B4GALT2: variants seen among roughly 807,000 people sequenced by gnomAD.
B4GALT2 encodes the protein N-acetyllactosamine synthase.
B4GALT2 carries 18 observed loss-of-function variants against 33.2 expected under a neutral mutation model. That is an observed-to-expected ratio of 0.54 (90% CI 0.38 to 0.80). The LOEUF is 0.80. B4GALT2 is among the 30% of genes least tolerant of loss of function. The probability of loss-of-function intolerance (pLI) is 0.00; values close to 1 mark genes in which losing one functional copy is unlikely to be tolerated. For synonymous variants in B4GALT2, 214 were observed against 217.6 expected (o/e 0.98, Z 0.15); for missense variants, 404 against 526.2 (o/e 0.77, Z 2.27).
At position 43,981,065 on chromosome 1, in the gene B4GALT2, C is replaced by T. The variant is rs562721930; in HGVS notation, c.-52-44C>T. The T allele has an allele frequency of 2.8e-5, 42 of 1,499,298 alleles. 1 individual carries two copies. The East Asian group carries it at 9.4e-4, about 33-fold the overall frequency. The allele number at this position is 1,499,298 out of a possible 1,614,324, so 92.9% of individuals were successfully genotyped here. ...GAGGTAGGTGGGCAGCCTTGCCTGT[C>T]CTGCCCTGACCTGCTGGATCTGTTT... On this transcript the variant is annotated intron_variant, in intron 1 of 6. Transcript: ENST00000372324. The surrounding 1 kb of genome is among the most constrained non-coding windows in gnomAD (Gnocchi z 8.1).
intron 3 of B4GALT2, among the ~76,000 whole-genome samples, chr1:43,983,428 G>C (rs1005298916): frequency 3.3e-5 from 5 of 152,198 alleles, no homozygotes; most frequent in African/African-American, 1.2e-4. Flanking sequence ...GTGTCAGGAA[G>C]GAGACATGGC....
chr1:43,982,483 C>A lies in B4GALT2; in HGVS notation c.549+559C>A, dbSNP rs187338445. 7.1e-3 allele frequency among the ~76,000 whole-genome samples: 1,080 copies of A among 152,060 alleles called. 6 individuals carry two copies. The highest frequency in any genetic ancestry group is 9.3e-3 in the Non-Finnish European group (632 of 68,004). ...GAGGTGGAGCAGGGGGCCGTGGGAG[C>A]ACAGAGGGCCCCAGTCCAGCCCTGG... On this transcript the variant is annotated intron_variant, in intron 3 of 6. Transcript: ENST00000372324. The surrounding 1 kb of genome is among the most constrained non-coding windows in gnomAD (Gnocchi z 4.3).
Position 43,985,268 on chromosome 1 carries a change from C to T in B4GALT2, c.741-10C>T, listed in dbSNP as rs746118904. 1.9e-6 allele frequency: 3 copies of T among 1,607,952 alleles called. No individual in the cohort carries two copies. Among genetic ancestry groups the T allele is most frequent in the East Asian group, 4.5e-5 (2 of 44,804 alleles). ...GGACCCTTACTGACACCTGCCTTCCCATGCCACAGGCTTCCCTATGCTGGC... is the reference window on the plus strand; with the variant it reads ...GGACCCTTACTGACACCTGCCTTCCTATGCCACAGGCTTCCCTATGCTGGC... On this transcript the variant is annotated splice_polypyrimidine_tract_variant and intron_variant, in intron 4 of 6. Transcript: ENST00000372324.
chr1:43,980,468 G>T, intron 1 of B4GALT2: 11 of 808,118 alleles, frequency 1.4e-5, no homozygotes, highest in Non-Finnish European at 1.7e-5. Context: ...GTCTGTATTT[G>T]GGCCCCCCGG....
In B4GALT2 at chr1:43,985,005, C is replaced by T. The variant is rs546242976; in HGVS notation, c.690C>T (p.Cys230=). The T allele has an allele frequency of 1.7e-4, 271 of 1,612,664 alleles. No individual in the cohort carries two copies. The highest frequency in any genetic ancestry group is 8.0e-4 in the Admixed American group (48 of 59,982). The part of the protein sequence containing the change: ...VPMDDRNLYR[C]GDQPRHFAIA... ...TGGATGACCGCAACCTATACCGCTG[C>T]GGCGACCAACCCCGCCACTTTGCCA... Residue 230 remains cysteine, a synonymous_variant, in exon 4 of 7, where the codon TGC becomes TGT. Coordinates refer to ENST00000372324, the MANE Select transcript of B4GALT2 (RefSeq NM_003780.5).
Position 43,979,825 on chromosome 1 carries a change from C to T in B4GALT2, c.-53+314C>T, listed in dbSNP as rs942509091. 3.3e-6 allele frequency: 2 copies of T among 602,950 alleles called. No individual in the cohort carries two copies. Among genetic ancestry groups the T allele is most frequent in the East Asian group, 6.3e-5 (2 of 31,678 alleles). The allele number at this position is 602,950 out of a possible 1,614,324, so 37.3% of individuals were successfully genotyped here. ...TGCCCTCCACCCACTCCCCCTGCCC[C>T]CAGGCTCCACACCCACCCGGTCTGT... On this transcript the variant is annotated intron_variant, in intron 1 of 6. Coordinates refer to ENST00000372324, the MANE Select transcript of B4GALT2 (RefSeq NM_003780.5). This position sits in a 1 kb window ranked among gnomAD's most constrained non-coding sequence, Gnocchi z 4.8.
At position 43,979,857 on chromosome 1, in the gene B4GALT2, T is replaced by G; in HGVS notation, c.-53+346T>G. On this transcript the variant is annotated intron_variant, in intron 1 of 6. Transcript: ENST00000372324. The surrounding 1 kb of genome is among the most constrained non-coding windows in gnomAD (Gnocchi z 4.8). ...CCACACCCACCCGGTCTGTGCGGCC[T>G]GCCCGTCCGCGGGTGCCACGTGTTC... The G allele has an allele frequency of 1.3e-6, 1 of 757,414 alleles. No individual in the cohort carries two copies. The highest frequency in any genetic ancestry group is 2.1e-6 in the Non-Finnish European group (1 of 474,042). The allele number at this position is 757,414 out of a possible 1,614,324, so 46.9% of individuals were successfully genotyped here.
chr1:43,985,104 C>T lies in B4GALT2; in HGVS notation c.740+49C>T, dbSNP rs200899002. ...ACCCAGCCCTCCTGCCCCCACCAGA[C>T]GCAGGCCCACTTCCAGCCCCCGAGC... On this transcript the variant is annotated intron_variant, in intron 4 of 6. Coordinates refer to ENST00000372324, the MANE Select transcript of B4GALT2 (RefSeq NM_003780.5). 1,642 of 1,598,332 alleles carry T rather than the reference C, an allele frequency of 1.0e-3. 26 individuals are homozygous for T. Among genetic ancestry groups the T allele is most frequent in the South Asian group, 9.2e-3 (831 of 90,238 alleles).
chr1:43,985,769 T>G, intron 6 of B4GALT2, 148 bp downstream of exon 6: 1 of 706,518 alleles, frequency 1.4e-6, no homozygotes, highest in Non-Finnish European at 2.4e-6. Flanking sequence ...GTGCCACTGA[T>G]TCCCTGATGT....
chr1:43,985,435 GGGGGGGGA>G (rs780496356), intron 5 of B4GALT2, 35 bp downstream of exon 5: 6 of 825,380 alleles, frequency 7.3e-6, no homozygotes, highest in Non-Finnish European at 1.1e-5. Context: ...AGGCTGGGTG[GGGGGGGGA>G]GGGGGGGTGC....
intron 6 of B4GALT2, among the ~76,000 whole-genome samples, chr1:43,989,935 C>T (rs1041157717): frequency 2.0e-5 from 3 of 152,174 alleles, no homozygotes; most frequent in South Asian, 2.1e-4. Context: ...AAAATCCTCG[C>T]GGCAGTTAGA....
In B4GALT2 at chr1:43,985,432, G is replaced by T. The variant is rs1383004240; in HGVS notation, c.863+32G>T. On this transcript the variant is annotated intron_variant, in intron 5 of 6. Coordinates refer to ENST00000372324, the MANE Select transcript of B4GALT2 (RefSeq NM_003780.5). Reference sequence around the variant, plus strand: ...AAGCACGCGGTGGGGAATAGGCTGGGTGGGGGGGGGAGGGGGGGTGCAGAC... The same window carrying T: ...AAGCACGCGGTGGGGAATAGGCTGGTTGGGGGGGGGAGGGGGGGTGCAGAC... The T allele has an allele frequency of 7.6e-6, 8 of 1,046,140 alleles. 1 individual carries two copies. In the East Asian group the frequency reaches 2.0e-4, roughly 26 times the overall value. The allele number at this position is 1,046,140 out of a possible 1,614,324, so 64.8% of individuals were successfully genotyped here. A position where few individuals can be genotyped will look rare whatever the true frequency, so the allele number is the denominator to read the frequency against.
chr1:43,985,448 GGGT>G, intron 5 of B4GALT2, 48 bp downstream of exon 5: 2 of 855,304 alleles, frequency 2.3e-6, no homozygotes, highest in Non-Finnish European at 1.8e-6. Flanking sequence ...GGGGGAGGGG[GGGT>G]GCAGACTGGG....
intron 1 of B4GALT2, chr1:43,980,035 G>T: frequency 6.6e-7 from 1 of 1,518,060 alleles, no homozygotes; most frequent in South Asian, 1.2e-5. Flanking sequence ...TCCAGGAGCA[G>T]TGGCCTTGTT....
In B4GALT2 at chr1:43,982,330, G is replaced by A. The variant is rs879644490; in HGVS notation, c.549+406G>A. ...TCAGCTCAGCATCTTAAGGCCTTTG[G>A]TGGACCTGGCTAGGGCTGGCCACTA... is the stretch of plus-strand genomic sequence containing the variant. On this transcript the variant is annotated intron_variant, in intron 3 of 6. Transcript: ENST00000372324. This position sits in a 1 kb window ranked among gnomAD's most constrained non-coding sequence, Gnocchi z 4.3. Among the ~76,000 whole-genome samples, 11 of 152,276 alleles carry A rather than the reference G, an allele frequency of 7.2e-5. No individual in the cohort carries two copies. In the East Asian group the frequency reaches 2.1e-3, roughly 29 times the overall value.
rs938470532 is a variant in B4GALT2, at chr1:43,979,861, C to T, written c.-53+350C>T. On this transcript the variant is annotated intron_variant, in intron 1 of 6. Coordinates refer to ENST00000372324, the MANE Select transcript of B4GALT2 (RefSeq NM_003780.5). The surrounding 1 kb of genome is among the most constrained non-coding windows in gnomAD (Gnocchi z 4.8). ...ACCCACCCGGTCTGTGCGGCCTGCC[C>T]GTCCGCGGGTGCCACGTGTTCAGCC... The T allele has an allele frequency of 8.7e-6, 7 of 803,622 alleles. No homozygotes were observed. Among genetic ancestry groups the T allele is most frequent in the East Asian group, 2.9e-5 (1 of 34,646 alleles). The allele number at this position is 803,622 out of a possible 1,614,324, so 49.8% of individuals were successfully genotyped here. A position where few individuals can be genotyped will look rare whatever the true frequency, so the allele number is the denominator to read the frequency against.
Position 43,981,036 on chromosome 1 carries a change from G to A in B4GALT2, c.-52-73G>A, listed in dbSNP as rs2085587961. 1.4e-6 allele frequency: 2 copies of A among 1,461,978 alleles called. No individual in the cohort carries two copies. Among genetic ancestry groups the A allele is most frequent in the African/African-American group, 1.4e-5 (1 of 71,234 alleles). 90.6% of individuals were successfully genotyped at this position (1,461,978 alleles called of 1,614,324 possible). A position where few individuals can be genotyped will look rare whatever the true frequency, so the allele number is the denominator to read the frequency against. On this transcript the variant is annotated intron_variant, in intron 1 of 6. Transcript: ENST00000372324. The surrounding 1 kb of genome is among the most constrained non-coding windows in gnomAD (Gnocchi z 8.1). The stretch of plus-strand genomic sequence containing the variant: ...GTGGCCCACGAGTGTGAGCAGCTGA[G>A]TGGGAGGTAGGTGGGCAGCCTTGCC...
intron 6 of B4GALT2, 147 bp downstream of exon 6, chr1:43,985,768 A>G (rs1182091328): frequency 8.3e-6 from 6 of 721,796 alleles, no homozygotes; most frequent in Non-Finnish European, 1.4e-5. Context: ...AGTGCCACTG[A>G]TTCCCTGATG....
At chr1:43,985,434 G>A (rs187431721) in intron 5 of B4GALT2, 34 bp downstream of exon 5, 2 of 842,554 alleles carry the variant, frequency 2.4e-6, no homozygotes, top group South Asian at 1.6e-5. Context: ...TAGGCTGGGT[G>A]GGGGGGGGAG....
Sources: gnomAD v4.1 joint callset for allele counts (sites outside exome capture counted in the v4.1 genomes callset) on GRCh38, gnomAD v4.1.1 for gene constraint, Gnocchi (gnomAD v3.1) non-coding constraint, MANE v1.5 for transcripts, NCBI Gene and HGNC (gene_info 2026-07-23, HGNC 2026-07-21) for gene names.